Variants in CDH13 observed in about 807,000 individuals in gnomAD.
The protein encoded by CDH13 is cadherin-13.
CDH13 carries 24 observed loss-of-function variants against 63.8 expected under a neutral mutation model. The ratio of observed to expected loss-of-function variants is 0.38; its 90% CI spans 0.27 to 0.53. The LOEUF (loss-of-function observed/expected upper bound fraction) is 0.53. Among genes scored for constraint, CDH13 ranks in the 20% least tolerant of loss-of-function variants. The pLI is 0.85. For synonymous variants in CDH13, 503 were observed against 355.3 expected (o/e 1.42, Z -4.67); for missense variants, 1,049 against 903.1 (o/e 1.16, Z -2.07).
At chr16:83,648,725 T>G (rs972254933) in intron 8 of CDH13, among the ~76,000 whole-genome samples, 18 of 152,110 alleles carry the variant, frequency 1.2e-4, no homozygotes, top group Admixed American at 1.2e-3. Flanking sequence ...AAAAATCGAG[T>G]CAGTATCATT....
At chr16:83,661,712 C>T (rs1598430805) in intron 8 of CDH13, among the ~76,000 whole-genome samples, 1 of 152,238 alleles carries the variant, frequency 6.6e-6, no homozygotes, top group East Asian at 1.9e-4. Context: ...AGGAAGAGTA[C>T]AGTCACTGGA....
At chr16:83,668,517 T>A (rs1259529871) in intron 8 of CDH13, among the ~76,000 whole-genome samples, 5 of 152,194 alleles carry the variant, frequency 3.3e-5, no homozygotes, top group African/African-American at 9.7e-5. Flanking sequence ...GATACCTGGT[T>A]TTCTAAGGTA....
In CDH13 at chr16:83,073,807, C is replaced by T. The variant is rs146395463; in HGVS notation, c.366+41589C>T. Among the ~76,000 whole-genome samples the T allele has an allele frequency of 2.4e-3, 367 of 152,056 alleles. 1 individual carries two copies. Among genetic ancestry groups the T allele is most frequent in the Middle Eastern group, 0.02 (6 of 294 alleles). On this transcript the variant is annotated intron_variant, in intron 3 of 13. Coordinates refer to ENST00000567109, the MANE Select transcript of CDH13 (RefSeq NM_001257.5). ...ATGTATATGTAATATATATAATATA[C>T]AGTACAGCATAGCAATTGTCTACCA... is the stretch of plus-strand genomic sequence containing the variant.
intron 7 of CDH13, among the ~76,000 whole-genome samples, chr16:83,493,711 C>T (rs1026799524): frequency 6.6e-6 from 1 of 152,144 alleles, no homozygotes; most frequent in Non-Finnish European, 1.5e-5. Flanking sequence ...GTCATTCAAA[C>T]GATTATAGCT....
At position 83,204,912 on chromosome 16, in the gene CDH13, C is replaced by T. The variant is rs770046209; in HGVS notation, c.484-12433C>T. ...GGCACACTAGAGTTCCTAATGCTTTCGCCCACAATTAACTGAAGTGACACA... is the reference window on the plus strand; with the variant it reads ...GGCACACTAGAGTTCCTAATGCTTTTGCCCACAATTAACTGAAGTGACACA... On this transcript the variant is annotated intron_variant, in intron 4 of 13. Coordinates refer to ENST00000567109, the MANE Select transcript of CDH13 (RefSeq NM_001257.5). Among the ~76,000 whole-genome samples, 49 of 152,220 alleles carry T rather than the reference C, an allele frequency of 3.2e-4. 1 individual carries two copies. Among genetic ancestry groups the T allele is most frequent in the Admixed American group, 4.6e-4 (7 of 15,288 alleles).
chr16:83,424,878 C>T (rs529119418), intron 6 of CDH13, among the ~76,000 whole-genome samples: 1 of 152,298 alleles, frequency 6.6e-6, no homozygotes, highest in Middle Eastern at 3.4e-3. Flanking sequence ...GCCCTACACT[C>T]ACACAGACAA....
At chr16:83,577,132 G>A (rs556415080) in intron 7 of CDH13, among the ~76,000 whole-genome samples, 16 of 152,240 alleles carry the variant, frequency 1.1e-4, no homozygotes, top group Middle Eastern at 3.4e-3. Flanking sequence ...GATTGGCTGC[G>A]GGCTTTCACT....
chr16:83,056,024 C>T (rs914658717), intron 3 of CDH13, among the ~76,000 whole-genome samples: 1 of 151,966 alleles, frequency 6.6e-6, no homozygotes, highest in Non-Finnish European at 1.5e-5. Context: ...GGCAGAGAAC[C>T]CAACTAACAA....
At position 83,570,834 on chromosome 16, in the gene CDH13, TTATATTTTTATATATATAAATATAAA is replaced by T. The variant is rs1314637299; in HGVS notation, c.961-31612_961-31587del. On this transcript the variant is annotated intron_variant, in intron 7 of 13. Coordinates refer to ENST00000567109, the MANE Select transcript of CDH13 (RefSeq NM_001257.5). ...TATATTTATAAATATAAATAAAAAT[TTATATTTTTATATATATAAATATAAA>T]TATATTTATATATTTATATTTATAA... Among the ~76,000 whole-genome samples, 6 of 80,542 alleles carry T rather than the reference TTATATTTTTATATATATAAATATAAA, an allele frequency of 7.4e-5. No homozygotes were observed. The East Asian group carries it at 2.6e-3, about 35-fold the overall frequency. The allele number at this position is 80,542 out of a possible 152,430, so 52.8% of individuals were successfully genotyped here.
intron 7 of CDH13, among the ~76,000 whole-genome samples, chr16:83,547,388 A>G (rs1015131995): frequency 2.0e-5 from 3 of 152,200 alleles, no homozygotes; most frequent in Non-Finnish European, 4.4e-5. Context: ...GGTTTGGTGT[A>G]CAGATTATTT....
intron 6 of CDH13, among the ~76,000 whole-genome samples, chr16:83,395,188 C>A (rs2091863924): frequency 6.7e-6 from 1 of 149,306 alleles, no homozygotes; most frequent in Non-Finnish European, 1.5e-5. Context: ...GTGGCATGTG[C>A]CTGTAATCCC....
chr16:82,659,863 A>G (rs114834914), intron 1 of CDH13, among the ~76,000 whole-genome samples: 2,272 of 152,268 alleles, frequency 0.015, 56 homozygotes, highest in African/African-American at 0.052. Context: ...TCTACCCACT[A>G]GAGGCCATTG....
At chr16:83,691,822 G>A (rs1014207500) in intron 10 of CDH13, among the ~76,000 whole-genome samples, 4 of 152,128 alleles carry the variant, frequency 2.6e-5, no homozygotes, top group Middle Eastern at 3.4e-3. Flanking sequence ...TAGGTTGGCC[G>A]CTTTCTGCTA....
chr16:83,065,336 A>G (rs2031915694), intron 3 of CDH13, among the ~76,000 whole-genome samples: 1 of 152,196 alleles, frequency 6.6e-6, no homozygotes, highest in Admixed American at 6.6e-5. Flanking sequence ...GCTATGTTGA[A>G]TGCTGGTACA....
chr16:83,008,907 T>C (rs1368319068), intron 2 of CDH13, among the ~76,000 whole-genome samples: 3 of 152,180 alleles, frequency 2.0e-5, no homozygotes, highest in Non-Finnish European at 4.4e-5. Flanking sequence ...GGTAGAATTA[T>C]GGTGGAAGGG....
intron 1 of CDH13, among the ~76,000 whole-genome samples, chr16:82,722,182 G>T (rs1048602438): frequency 5.9e-5 from 9 of 152,132 alleles, no homozygotes; most frequent in Non-Finnish European, 1.3e-4. Flanking sequence ...ATTTTAAGGG[G>T]TTAATGTCTA....
intron 1 of CDH13, among the ~76,000 whole-genome samples, chr16:82,800,024 G>A (rs2036775350): frequency 6.6e-6 from 1 of 152,178 alleles, no homozygotes; most frequent in African/African-American, 2.4e-5. Context: ...TACTACACTC[G>A]AATGACATCA....
chr16:82,948,774 G>A (rs780017178), intron 2 of CDH13, among the ~76,000 whole-genome samples: 1 of 152,012 alleles, frequency 6.6e-6, no homozygotes, highest in Non-Finnish European at 1.5e-5. Context: ...CACACCAAAA[G>A]GTACCATATA....
At chr16:82,916,274 T>C (rs905666281) in intron 2 of CDH13, among the ~76,000 whole-genome samples, 1 of 151,970 alleles carries the variant, frequency 6.6e-6, no homozygotes, top group South Asian at 2.1e-4. Context: ...GTAAAATGAT[T>C]CAAATAAAAG....
Sources: gnomAD v4.1 joint callset for allele counts (sites outside exome capture counted in the v4.1 genomes callset) on GRCh38, gnomAD v4.1.1 for gene constraint, MANE v1.5 for transcripts, NCBI Gene and HGNC (gene_info 2026-07-23, HGNC 2026-07-21) for gene names.